Variants in PTPRN2 observed in about 807,000 individuals in gnomAD.
The protein encoded by PTPRN2 is protein tyrosine phosphatase receptor type N2, also known as receptor-type tyrosine-protein phosphatase N2.
Under a neutral mutation model 118.8 loss-of-function variants are expected in PTPRN2, and 74 were observed. That is an observed-to-expected ratio of 0.62 (90% CI 0.52 to 0.76). PTPRN2 has a LOEUF of 0.76. Among genes scored for constraint, PTPRN2 ranks in the 30% least tolerant of loss-of-function variants. The pLI is 0.00. For missense variants in PTPRN2, 1,481 were observed against 1,394.4 expected, an observed-to-expected ratio of 1.06 and a Z score of -0.99; for synonymous variants, 641 against 608.0, an observed-to-expected ratio of 1.05 and a Z score of -0.80.
At chr7:157,970,110 AT>A (rs1418375938) in intron 11 of PTPRN2, among the ~76,000 whole-genome samples, 1 of 152,076 alleles carries the variant, frequency 6.6e-6, no homozygotes, top group African/African-American at 2.4e-5. Flanking sequence ...GGTAAAAGAC[AT>A]TTGTTTCCCA....
chr7:158,127,896 C>T lies in PTPRN2; in HGVS notation c.1556+5781G>A, dbSNP rs111569494. 3.4e-3 allele frequency among the ~76,000 whole-genome samples: 511 copies of T among 152,296 alleles called. 5 individuals carry two copies. The highest frequency in any genetic ancestry group is 0.012 in the African/African-American group (490 of 41,556). On this transcript the variant is annotated intron_variant, in intron 9 of 22. Transcript: ENST00000389418. ...TGGGGCGGCTGTCCTGCCCTTCGTC[C>T]AGTCTTCAAGAATCCCTCTAGTTTG...
chr7:158,262,954 A>G (rs1336491636), intron 3 of PTPRN2, among the ~76,000 whole-genome samples: 2 of 143,638 alleles, frequency 1.4e-5, no homozygotes, highest in Non-Finnish European at 3.0e-5. Flanking sequence ...ATTCACACAC[A>G]TACACACATT....
rs1260305496 is a variant in PTPRN2, at chr7:157,576,724, T to TAGA, written c.2669_2671dup (p.Phe890dup). 1 of 1,609,570 alleles carries TAGA rather than the reference T, an allele frequency of 6.2e-7. No individual in the cohort carries two copies. Among genetic ancestry groups the TAGA allele is most frequent in the Non-Finnish European group, 8.5e-7 (1 of 1,177,614 alleles). On this transcript the variant is annotated inframe_insertion, in exon 19 of 23. Coordinates refer to ENST00000389418, the MANE Select transcript of PTPRN2 (RefSeq NM_002847.5). ...CTCGTTGGTCTGCAGGTTCTTCAGA[T>TAGA]AGAAGCTCCTCACCAGGAAGTCCTC...
chr7:158,064,680 C>A (rs56292561), intron 11 of PTPRN2, among the ~76,000 whole-genome samples: 1 of 152,244 alleles, frequency 6.6e-6, no homozygotes, highest in Non-Finnish European at 1.5e-5. Flanking sequence ...ACCAAAGCCC[C>A]CCCTGTGCCA....
intron 12 of PTPRN2, among the ~76,000 whole-genome samples, chr7:157,824,093 C>T (rs1239009506): frequency 6.6e-6 from 1 of 152,208 alleles, no homozygotes; most frequent in East Asian, 1.9e-4. Flanking sequence ...AACAATCCCC[C>T]TGAACCCAGC....
rs73746474 is a variant in PTPRN2, at chr7:158,311,660, T to C, written c.277+5159A>G. 9.9e-3 allele frequency among the ~76,000 whole-genome samples: 1,502 copies of C among 152,378 alleles called. 29 individuals carry two copies. The highest frequency in any genetic ancestry group is 0.034 in the African/African-American group (1,431 of 41,594). On this transcript the variant is annotated intron_variant, in intron 3 of 22. Transcript: ENST00000389418. ...AGACTCTGAAGGCCGCGCAAGCAGCTGTCTGTCAATGAATCTGACAACTGC... is the reference window on the plus strand; with the variant it reads ...AGACTCTGAAGGCCGCGCAAGCAGCCGTCTGTCAATGAATCTGACAACTGC...
At chr7:158,251,609 G>A (rs540148421) in intron 3 of PTPRN2, among the ~76,000 whole-genome samples, 220 of 150,336 alleles carry the variant, frequency 1.5e-3, no homozygotes, top group African/African-American at 4.6e-3. Flanking sequence ...CATGTGGGGC[G>A]TGTGCAGGTG....
chr7:158,372,638 C>T (rs576621494), intron 2 of PTPRN2, among the ~76,000 whole-genome samples: 4 of 150,484 alleles, frequency 2.7e-5, no homozygotes, highest in East Asian at 1.9e-4. Flanking sequence ...GAGCTGGTCC[C>T]CACCACGCTG....
chr7:157,956,384 G>T (rs189468103), intron 11 of PTPRN2, among the ~76,000 whole-genome samples: 7 of 152,306 alleles, frequency 4.6e-5, no homozygotes, highest in Admixed American at 2.0e-4. Flanking sequence ...TTTTACCTAA[G>T]TTAGACTAAA....
chr7:158,176,771 A>T (rs1205938985), intron 5 of PTPRN2, among the ~76,000 whole-genome samples: 1 of 152,212 alleles, frequency 6.6e-6, no homozygotes, highest in Non-Finnish European at 1.5e-5. Context: ...TCCGCTTCCC[A>T]CCAAAGGTCA....
chr7:157,796,307 T>C (rs1804864683), intron 12 of PTPRN2, among the ~76,000 whole-genome samples: 1 of 152,222 alleles, frequency 6.6e-6, no homozygotes, highest in Non-Finnish European at 1.5e-5. Context: ...GCACATGATT[T>C]TCCTATTCAT....
chr7:158,337,732 CACA>C (rs1805958560), intron 2 of PTPRN2, among the ~76,000 whole-genome samples: 1 of 46,270 alleles, frequency 2.2e-5, no homozygotes, highest in East Asian at 5.1e-4. Flanking sequence ...AGACGTCACT[CACA>C]ACCACACTCT....
intron 2 of PTPRN2, among the ~76,000 whole-genome samples, chr7:158,467,174 AC>A (rs2081783532): frequency 6.6e-6 from 1 of 152,130 alleles, no homozygotes; most frequent in Admixed American, 6.5e-5. Context: ...GATGCTCAGC[AC>A]CTTTCCCATA....
chr7:158,134,751 G>T (rs1248274060), intron 8 of PTPRN2, among the ~76,000 whole-genome samples: 1 of 152,118 alleles, frequency 6.6e-6, no homozygotes, highest in East Asian at 1.9e-4. Context: ...GGAACCCCCT[G>T]GCACCTCTGC....
At chr7:158,223,707 C>T (rs1828537861) in intron 3 of PTPRN2, among the ~76,000 whole-genome samples, 1 of 152,142 alleles carries the variant, frequency 6.6e-6, no homozygotes, top group Admixed American at 6.5e-5. Context: ...TTTCACTGTA[C>T]TTAATGGTGA....
intron 2 of PTPRN2, among the ~76,000 whole-genome samples, chr7:158,416,854 A>T (rs1484977821): frequency 6.6e-6 from 1 of 152,200 alleles, no homozygotes; most frequent in Non-Finnish European, 1.5e-5. Flanking sequence ...CAGTAAAGGG[A>T]CACTCAGAGG....
intron 13 of PTPRN2, among the ~76,000 whole-genome samples, chr7:157,667,180 G>C (rs1269359762): frequency 2.2e-5 from 2 of 90,716 alleles, no homozygotes; most frequent in African/African-American, 6.6e-5. Context: ...GATCTCTGGT[G>C]TGTGCAATGA....
intron 1 of PTPRN2, among the ~76,000 whole-genome samples, chr7:158,582,928 C>G (rs1828709319): frequency 6.6e-6 from 1 of 151,400 alleles, no homozygotes; most frequent in African/African-American, 2.4e-5. Context: ...GCTGCAAACA[C>G]TTTTTCATGA....
chr7:158,553,241 T>C (rs1826778730), intron 1 of PTPRN2, among the ~76,000 whole-genome samples: 1 of 149,450 alleles, frequency 6.7e-6, no homozygotes, highest in Non-Finnish European at 1.5e-5. Context: ...TACACCACAT[T>C]CCCCATGCAT....
Sources: allele counts gnomAD v4.1 joint callset (sites outside exome capture counted in the v4.1 genomes callset), GRCh38; gene constraint gnomAD v4.1.1; transcripts MANE v1.5; gene names NCBI Gene and HGNC (gene_info 2026-07-23, HGNC 2026-07-21).